VPS13D: variants seen among roughly 807,000 people sequenced by gnomAD.
VPS13D encodes the protein vacuolar protein sorting 13 homolog D, also known as intermembrane lipid transfer protein VPS13D.
VPS13D carries 187 observed loss-of-function variants against 461.9 expected under a neutral mutation model. The ratio of observed to expected loss-of-function variants is 0.40; its 90% CI spans 0.36 to 0.46. The LOEUF (loss-of-function observed/expected upper bound fraction) is 0.46. Among genes scored for constraint, VPS13D ranks in the 20% least tolerant of loss-of-function variants. The pLI, the probability that VPS13D is intolerant of heterozygous loss-of-function variation, is 0.60. For synonymous variants in VPS13D, 1,951 were observed against 1,986.3 expected (o/e 0.98, Z 0.47); for missense variants, 4,711 against 5,364.9 (o/e 0.88, Z 3.81).
intron 65 of VPS13D, among the ~76,000 whole-genome samples, chr1:12,428,724 T>C (rs889287872): frequency 6.6e-6 from 1 of 152,204 alleles, no homozygotes; most frequent in African/African-American, 2.4e-5. Context: ...AGGCACCAGA[T>C]TTTACCTTGA....
rs368865408 is a variant in VPS13D at position 12,339,936 on chromosome 1, G to A, written c.8626+1631G>A. On this transcript the variant is annotated intron_variant, in intron 40 of 69. Coordinates refer to ENST00000620676, the MANE Select transcript of VPS13D (RefSeq NM_015378.4). ...CACCTGTTCTTTTTAAATCTAATTTGCAAATGGAAACTTACAGTCTGGCTC... is the reference window on the plus strand; with the variant it reads ...CACCTGTTCTTTTTAAATCTAATTTACAAATGGAAACTTACAGTCTGGCTC... 2.6e-4 allele frequency among the ~76,000 whole-genome samples: 40 copies of A among 152,264 alleles called. 3 individuals are homozygous for A. Among genetic ancestry groups the A allele is most frequent in the Admixed American group, 2.1e-3 (32 of 15,302 alleles).
intron 52 of VPS13D, among the ~76,000 whole-genome samples, chr1:12,365,685 CAG>C (rs1270985292): frequency 6.9e-6 from 1 of 145,446 alleles, no homozygotes; most frequent in East Asian, 2.0e-4. Context: ...GCCTGGGTGA[CAG>C]AGTGAGACTC....
At position 12,308,591 on chromosome 1, in the gene VPS13D, C is replaced by T; in HGVS notation, c.6600C>T (p.Leu2200=). 2 of 1,613,492 alleles carry T rather than the reference C, an allele frequency of 1.2e-6. No individual in the cohort carries two copies. Among genetic ancestry groups the T allele is most frequent in the Non-Finnish European group, 1.7e-6 (2 of 1,179,980 alleles). Reference sequence around the variant, plus strand: ...TTGTGCGACAGACAGGAGGAAGCCTCTTAACCGAGCCTTGTAGGCTGAAAT... The same window carrying T: ...TTGTGCGACAGACAGGAGGAAGCCTTTTAACCGAGCCTTGTAGGCTGAAAT... ...SYFVRQTGGS[L]LTEPCRLKLQ... The change falls in exon 27 of 70, where the codon CTC becomes CTT. Residue 2200 remains leucine (L), a synonymous_variant. Transcript: ENST00000620676.
chr1:12,343,919 G>A (rs375137893), intron 42 of VPS13D, among the ~76,000 whole-genome samples: 1 of 152,108 alleles, frequency 6.6e-6, no homozygotes, highest in African/African-American at 2.4e-5. Context: ...TATATGCCAC[G>A]TAGTACTTTT....
chr1:12,241,591 G>C (rs1640375683), intron 2 of VPS13D, among the ~76,000 whole-genome samples: 1 of 152,206 alleles, frequency 6.6e-6, no homozygotes, highest in South Asian at 2.1e-4. Flanking sequence ...ATAGCCGGGA[G>C]AGTGATGGAT....
chr1:12,268,566 A>G (rs1021177708), intron 15 of VPS13D, 140 bp from the exon 16 acceptor site: 6 of 990,524 alleles, frequency 6.1e-6, no homozygotes, highest in East Asian at 5.0e-5. Flanking sequence ...GAGGCTTTCT[A>G]TTTTAAAGAT....
rs762984461 is a variant in VPS13D at position 12,266,986 on chromosome 1, T to C, written c.1700T>C (p.Phe567Ser). 2 of 1,607,594 alleles carry C rather than the reference T, an allele frequency of 1.2e-6. No individual in the cohort carries two copies. Among genetic ancestry groups the C allele is most frequent in the South Asian group, 2.2e-5 (2 of 89,598 alleles). Residue 567 changes from phenylalanine (F) to serine (S), a missense_variant, in exon 14 of 70, where the codon TTT (phenylalanine) becomes TCT (serine). Physicochemically the swap from Phe to Ser is radical, Grantham distance 155 (BLOSUM62 -2). This residue lies in a region of VPS13D where 4,411 missense variants were observed against 4,937.8 expected (regional missense o/e 0.89). Transcript: ENST00000620676. ...LRDLATEGTM[F>S]PLLVFPNPQK... ...GACCTGGCTACAGAAGGAACTATGT[T>C]TCCTCTTCTAGTCTTCCCTAATCCA...
In VPS13D at chr1:12,403,917, A is replaced by G; in HGVS notation, c.11974A>G (p.Ile3992Val). Residue 3992 changes from isoleucine (I) to valine (V), a missense_variant, in exon 63 of 70, where the codon ATT becomes GTT. Physicochemically the swap from Ile to Val is conservative, Grantham distance 29. Coordinates refer to ENST00000620676, the MANE Select transcript of VPS13D (RefSeq NM_015378.4). ...CTACTTTGAAAATCTCAAAATCAGCATTCCTCAGATCAAGCTAAGTGTGTT... is the reference window on the plus strand; with the variant it reads ...CTACTTTGAAAATCTCAAAATCAGCGTTCCTCAGATCAAGCTAAGTGTGTT... ...RYYFENLKIS[I>V]PQIKLSVFTS... 6.2e-7 allele frequency: 1 copy of G among 1,613,828 alleles called. No individual in the cohort carries two copies. Among genetic ancestry groups the G allele is most frequent in the Non-Finnish European group, 8.5e-7 (1 of 1,179,960 alleles).
In VPS13D at chr1:12,257,083, A is replaced by G. The variant is rs756332942; in HGVS notation, c.937A>G (p.Lys313Glu). 5 of 1,613,840 alleles carry G rather than the reference A, an allele frequency of 3.1e-6. No individual in the cohort carries two copies. In the East Asian group the frequency reaches 6.7e-5, roughly 22 times the overall value. ...GTGGAAACCCAAGGTGGCGATATCTAAGAAGTAAGGGCTTCTCAGTGTGGT... is the reference window on the plus strand; with the variant it reads ...GTGGAAACCCAAGGTGGCGATATCTGAGAAGTAAGGGCTTCTCAGTGTGGT... ...RRWKPKVAISKNCREWWYFAL... is the reference protein window; with the variant it reads ...RRWKPKVAISENCREWWYFAL... The change falls in exon 9 of 70, where the codon AAG becomes GAG. Residue 313 changes from lysine (K) to glutamate (E), a missense_variant. Lys to Glu is a moderately conservative substitution (Grantham distance 56, BLOSUM62 1). Coordinates refer to ENST00000620676, the MANE Select transcript of VPS13D (RefSeq NM_015378.4).
chr1:12,428,052 G>A (rs897753948), intron 65 of VPS13D, among the ~76,000 whole-genome samples: 3 of 152,186 alleles, frequency 2.0e-5, no homozygotes, highest in Non-Finnish European at 2.9e-5. Flanking sequence ...TTTGTGAGGC[G>A]GAGGATGGTA....
rs2101643423 is a variant in VPS13D, at chr1:12,379,614, C to T, written c.11190+18C>T. The T allele has an allele frequency of 6.3e-7, 1 of 1,589,940 alleles. No individual in the cohort carries two copies. The highest frequency in any genetic ancestry group is 2.2e-5 in the East Asian group (1 of 44,514). On this transcript the variant is annotated intron_variant, in intron 57 of 69. Coordinates refer to ENST00000620676, the MANE Select transcript of VPS13D (RefSeq NM_015378.4). ...TCGTCCAGGTCAGTCGTTTTTGATC[C>T]CCAATTGCAGCAAGCAGTGGTTGAG... is the stretch of plus-strand genomic sequence containing the variant.
rs201818221 is a variant in VPS13D, at chr1:12,321,956, G to A, written c.7696G>A (p.Val2566Ile). ...ATTCAATAGTGAAGATTTCCCACCT[G>A]TCCTGGAGGTAATGATGCAAAATCT... Reference protein sequence around the residue: ...DAFNSEDFPPVLEIQLQALDI... With the variant: ...DAFNSEDFPPILEIQLQALDI... The change falls in exon 33 of 70, where the codon GTC becomes ATC. Residue 2566 changes from valine (V) to isoleucine (I), a missense_variant. Physicochemically the swap from Val to Ile is conservative, Grantham distance 29. This residue lies in a region of VPS13D where 4,411 missense variants were observed against 4,937.8 expected (regional missense o/e 0.89). Coordinates refer to ENST00000620676, the MANE Select transcript of VPS13D (RefSeq NM_015378.4). 6.2e-7 allele frequency: 1 copy of A among 1,613,474 alleles called. No individual in the cohort carries two copies. Among genetic ancestry groups the A allele is most frequent in the Non-Finnish European group, 8.5e-7 (1 of 1,179,796 alleles).
intron 26 of VPS13D, among the ~76,000 whole-genome samples, chr1:12,305,798 C>T (rs1557698099): frequency 1.3e-5 from 2 of 152,188 alleles, no homozygotes; most frequent in East Asian, 3.9e-4. Flanking sequence ...TCTCTGGTAC[C>T]TTATAGTCCT....
intron 65 of VPS13D, among the ~76,000 whole-genome samples, chr1:12,419,838 G>C (rs1644840542): frequency 1.3e-5 from 2 of 152,130 alleles, no homozygotes. Context: ...TGATTTCATT[G>C]CTGTGCGAAC....
At chr1:12,301,834 C>G (rs999096263) in intron 25 of VPS13D, among the ~76,000 whole-genome samples, 5 of 152,146 alleles carry the variant, frequency 3.3e-5, no homozygotes, top group African/African-American at 9.7e-5. Context: ...TACACAAGGA[C>G]ATTTTATCAC....
chr1:12,358,501 G>T lies in VPS13D; in HGVS notation c.10041G>T (p.Met3347Ile), dbSNP rs1228215341. 3 of 1,614,110 alleles carry T rather than the reference G, an allele frequency of 1.9e-6. No homozygotes were observed. The highest frequency in any genetic ancestry group is 1.3e-5 in the African/African-American group (1 of 74,938). Reference sequence around the variant, plus strand: ...GAAGGGGGATTCATCCAGAAGGCATGCCGGGCTGGTGTCAGGGCTTCTCCC... The same window carrying T: ...GAAGGGGGATTCATCCAGAAGGCATTCCGGGCTGGTGTCAGGGCTTCTCCC... ...RIGRGIHPEGMPGWCQGFSLD... is the reference protein window; with the variant it reads ...RIGRGIHPEGIPGWCQGFSLD... The change falls in exon 50 of 70, where the codon ATG (methionine) becomes ATT (isoleucine). Residue 3347 changes from methionine to isoleucine, a missense_variant. By Grantham distance (10) the Met-to-Ile change is conservative. This residue lies in a region of VPS13D where 4,411 missense variants were observed against 4,937.8 expected (regional missense o/e 0.89). Transcript: ENST00000620676.
chr1:12,501,576 G>C (rs913486632), intron 68 of VPS13D, among the ~76,000 whole-genome samples: 1 of 152,166 alleles, frequency 6.6e-6, no homozygotes, highest in Admixed American at 6.5e-5. Flanking sequence ...CTGTGCACTG[G>C]CAAATTTCTT....
rs750491771 is a variant in VPS13D, at chr1:12,283,681, A to G, written c.5579A>G (p.His1860Arg). 4.3e-6 allele frequency: 7 copies of G among 1,614,214 alleles called. No homozygotes were observed. The East Asian group carries it at 6.7e-5, about 15-fold the overall frequency. ...GILHNVKLEP[H>R]ASMESGLQDP... ...CTGCACAACGTGAAGTTGGAGCCAC[A>G]TGCCTCCATGGAGTCTGGACTTCAG... The change falls in exon 21 of 70, where the codon CAT (histidine) becomes CGT (arginine). Residue 1860 changes from histidine (H) to arginine (R), a missense_variant. By Grantham distance (29) the His-to-Arg change is conservative. Around this residue, in one of 3 missense-constraint regions of VPS13D, gnomAD observed 4,411 missense variants for 4,937.8 expected, o/e 0.89. Coordinates refer to ENST00000620676, the MANE Select transcript of VPS13D (RefSeq NM_015378.4).
rs1165758292 is a variant in VPS13D, at chr1:12,383,032, C to T, written c.11247C>T (p.Asp3749=). ...FDGAEVVLGP[D]TSMELLGPVP... is the part of the protein sequence containing the mutation. ...GAGCTGAAGTTGTTCTTGGTCCTGA[C>T]ACTTCCATGGAGCTTTTGGGGCCAG... Residue 3749 remains aspartate (D), a synonymous_variant, in exon 58 of 70, where the codon GAC becomes GAT. Transcript: ENST00000620676. The T allele has an allele frequency of 6.2e-7, 1 of 1,614,124 alleles. No individual in the cohort carries two copies. Among genetic ancestry groups the T allele is most frequent in the Admixed American group, 1.7e-5 (1 of 60,024 alleles).
Sources: gnomAD v4.1 joint callset for allele counts (sites outside exome capture counted in the v4.1 genomes callset) on GRCh38, gnomAD v4.1.1 for gene constraint, gnomAD v4.1.1 regional missense constraint, MANE v1.5 for transcripts, NCBI Gene and HGNC (gene_info 2026-07-23, HGNC 2026-07-21) for gene names.